The following FAM135B variants were observed in gnomAD, a reference collection of about 807,000 sequenced individuals.
FAM135B encodes family with sequence similarity 135 member B, also known as protein FAM135B.
Under a neutral mutation model 127.7 loss-of-function variants are expected in FAM135B, and 43 were observed. That is an observed-to-expected ratio of 0.34 (90% CI 0.26 to 0.43). FAM135B has a LOEUF of 0.43. Ranked by LOEUF, FAM135B falls within the 20% of genes least tolerant of loss-of-function variation. The pLI is 1.00. For synonymous variants in FAM135B, 670 were observed against 665.1 expected, an observed-to-expected ratio of 1.01 and a Z score of -0.11; for missense variants, 1,558 against 1,725.6, an observed-to-expected ratio of 0.90 and a Z score of 1.72.
intron 10 of FAM135B, among the ~76,000 whole-genome samples, chr8:138,177,973 A>G (rs10109608): frequency 0.39 from 59,337 of 151,668 alleles, 12,207 homozygotes; most frequent in African/African-American, 0.53. Context: ...CAGCTGGTGC[A>G]GTGGCTCATG....
intron 7 of FAM135B, among the ~76,000 whole-genome samples, chr8:138,237,149 G>C (rs919660831): frequency 2.8e-4 from 34 of 121,926 alleles, no homozygotes; most frequent in Admixed American, 9.3e-4. Flanking sequence ...CTGGATCCTT[G>C]ATTTTTTTTT....
intron 1 of FAM135B, among the ~76,000 whole-genome samples, chr8:138,399,136 C>T (rs1452902342): frequency 1.3e-5 from 2 of 152,026 alleles, no homozygotes; most frequent in Non-Finnish European, 2.9e-5. Context: ...ATCCATATGC[C>T]TTTTTTTCCC....
At chr8:138,294,667 C>A (rs538578129) in intron 3 of FAM135B, among the ~76,000 whole-genome samples, 1 of 152,244 alleles carries the variant, frequency 6.6e-6, no homozygotes, top group Non-Finnish European at 1.5e-5. Context: ...CAATCCATAA[C>A]ATTAAAAAGA....
intron 7 of FAM135B, among the ~76,000 whole-genome samples, chr8:138,224,182 A>G (rs192940140): frequency 2.6e-4 from 39 of 152,296 alleles, no homozygotes; most frequent in Non-Finnish European, 1.2e-4. Flanking sequence ...ACCTAAAGTA[A>G]AAGTTGAAAA....
intron 1 of FAM135B, among the ~76,000 whole-genome samples, chr8:138,370,409 G>A (rs1007791772): frequency 6.6e-6 from 1 of 152,088 alleles, no homozygotes; most frequent in African/African-American, 2.4e-5. Context: ...ATAATGCAGT[G>A]AGGAAGATGA....
At chr8:138,147,864 A>G (rs1210369899) in intron 14 of FAM135B, among the ~76,000 whole-genome samples, 1 of 152,194 alleles carries the variant, frequency 6.6e-6, no homozygotes, top group Non-Finnish European at 1.5e-5. Context: ...TTAGTGTCAT[A>G]TACATGAGAG....
At chr8:138,302,570 G>T in intron 3 of FAM135B, among the ~76,000 whole-genome samples, 1 of 4,770 alleles carries the variant, frequency 2.1e-4, no homozygotes, top group African/African-American at 1.0e-3. Flanking sequence ...CTGCTGGGGG[G>T]ACCCTTCTCA....
At chr8:138,330,002 C>CATCT (rs113856162) in intron 2 of FAM135B, among the ~76,000 whole-genome samples, 6 of 152,248 alleles carry the variant, frequency 3.9e-5, no homozygotes, top group African/African-American at 1.4e-4. Context: ...TGCTGGCTTG[C>CATCT]ATCTGGGCAT....
intron 3 of FAM135B, among the ~76,000 whole-genome samples, chr8:138,267,582 A>C (rs1823037720): frequency 6.6e-6 from 1 of 151,946 alleles, no homozygotes; most frequent in Non-Finnish European, 1.5e-5. Flanking sequence ...AAAAAAAAAA[A>C]AAAACAGCCC....
chr8:138,450,189 T>C (rs1007296111), intron 1 of FAM135B, among the ~76,000 whole-genome samples: 7 of 152,236 alleles, frequency 4.6e-5, no homozygotes, highest in Non-Finnish European at 8.8e-5. Flanking sequence ...GCTCATTTCA[T>C]TTTAGCCCTG....
intron 3 of FAM135B, among the ~76,000 whole-genome samples, chr8:138,270,836 C>T (rs184657015): frequency 1.1e-4 from 16 of 152,324 alleles, no homozygotes; most frequent in African/African-American, 3.4e-4. Flanking sequence ...AGGGGACAAA[C>T]GTTTAAATCA....
At chr8:138,339,277 T>TAA (rs1341862120) in intron 2 of FAM135B, among the ~76,000 whole-genome samples, 1 of 151,874 alleles carries the variant, frequency 6.6e-6, no homozygotes, top group Non-Finnish European at 1.5e-5. Context: ...AAAACCTAAA[T>TAA]AATCATACAA....
rs1040700136 is a variant in FAM135B at position 138,173,134 on chromosome 8, T to G, written c.1103+4213A>C. On this transcript the variant is annotated intron_variant, in intron 11 of 19. Transcript: ENST00000395297. ...TCAGGCAGAATCCCTGGATTTTATT[T>G]GGGGTATTCTGTGCGGCACATAGGG... is the stretch of plus-strand genomic sequence containing the variant. 2.4e-4 allele frequency among the ~76,000 whole-genome samples: 37 copies of G among 152,264 alleles called. No individual in the cohort carries two copies. The East Asian group carries it at 4.3e-3, about 18-fold the overall frequency.
chr8:138,324,925 C>A (rs1374062065), intron 2 of FAM135B, among the ~76,000 whole-genome samples: 1 of 152,156 alleles, frequency 6.6e-6, no homozygotes, highest in Admixed American at 6.6e-5. Context: ...TACAAATTCT[C>A]TTTGCATTAA....
chr8:138,295,840 A>G (rs1825441672), intron 3 of FAM135B, among the ~76,000 whole-genome samples: 1 of 152,160 alleles, frequency 6.6e-6, no homozygotes. Flanking sequence ...TGTAAGTGGG[A>G]GTGGAAAATT....
rs776390168 is a variant in FAM135B, at chr8:138,141,247, A to G, written c.3741T>C (p.Ser1247=). Residue 1247 remains serine (S), a synonymous_variant, in exon 17 of 20, where the codon TCT becomes TCC. Coordinates refer to ENST00000395297, the MANE Select transcript of FAM135B (RefSeq NM_015912.4). The surrounding 1 kb of genome is among the most constrained non-coding windows in gnomAD (Gnocchi z 4.7). ...TGTACAGGGTTCCCAGGTGAGGCCC[A>G]GAGAGTGACAGGAACGTGTGGAGTT... The part of the protein sequence containing the change: ...LNKLHTFLSL[S]GPHLGTLYNN... 6.2e-7 allele frequency: 1 copy of G among 1,614,154 alleles called. No individual in the cohort carries two copies. The highest frequency in any genetic ancestry group is 1.7e-5 in the Admixed American group (1 of 60,016).
chr8:138,321,086 T>C (rs1252901196), intron 2 of FAM135B, among the ~76,000 whole-genome samples: 25 of 152,080 alleles, frequency 1.6e-4, no homozygotes, highest in Admixed American at 1.6e-3. Context: ...CAAAGCAAGG[T>C]TGGAAAACTT....
chr8:138,237,960 A>G (rs1341767456), intron 7 of FAM135B, among the ~76,000 whole-genome samples: 1 of 152,316 alleles, frequency 6.6e-6, no homozygotes, highest in Non-Finnish European at 1.5e-5. Context: ...GCTGCCCCCA[A>G]CTGGACCAGG....
intron 1 of FAM135B, among the ~76,000 whole-genome samples, chr8:138,478,248 T>C (rs548377198): frequency 6.6e-6 from 1 of 152,290 alleles, no homozygotes; most frequent in Middle Eastern, 3.4e-3. Context: ...CTAGTCATTC[T>C]AAATGTGTTA....
Sources: allele counts gnomAD v4.1 joint callset (sites outside exome capture counted in the v4.1 genomes callset), GRCh38; gene constraint gnomAD v4.1.1; non-coding constraint Gnocchi (gnomAD v3.1); transcripts MANE v1.5; gene names NCBI Gene and HGNC (gene_info 2026-07-23, HGNC 2026-07-21).